ZNF385C: variants seen among roughly 807,000 people sequenced by gnomAD.
ZNF385C encodes the protein CTD-2132N18.2.
ZNF385C carries 28 observed loss-of-function variants against 35.4 expected under a neutral mutation model. That is an observed-to-expected ratio of 0.79 (90% CI 0.59 to 1.08). The LOEUF is 1.08. ZNF385C is among the 50% of genes least tolerant of loss of function. The probability of loss-of-function intolerance (pLI) is 0.00; values close to 1 mark genes in which losing one functional copy is unlikely to be tolerated. For synonymous variants in ZNF385C, 248 were observed against 248.2 expected (o/e 1.00, Z 0.01); for missense variants, 605 against 595.6 (o/e 1.02, Z -0.16).
In ZNF385C at chr17:42,093,874, T is replaced by C. The variant is rs538724187; in HGVS notation, c.-3+4536A>G. Among the ~76,000 whole-genome samples, 522 of 151,316 alleles carry C rather than the reference T, an allele frequency of 3.4e-3. 2 individuals are homozygous for C. Among genetic ancestry groups the C allele is most frequent in the Non-Finnish European group, 5.2e-3 (352 of 67,768 alleles). Reference sequence around the variant, plus strand: ...TGCTGGGATTACAGGTGTGAGCCACTGCACTCGGCCCATCCACTCTCCCTA... The same window carrying C: ...TGCTGGGATTACAGGTGTGAGCCACCGCACTCGGCCCATCCACTCTCCCTA... On this transcript the variant is annotated intron_variant, in intron 1 of 8. Transcript: ENST00000692273.
chr17:42,053,412 C>A (rs10852950), intron 2 of ZNF385C, among the ~76,000 whole-genome samples: 30 of 152,026 alleles, frequency 2.0e-4, no homozygotes, highest in Admixed American at 1.8e-3. Flanking sequence ...TTCTGTCCCC[C>A]TCTGTCTGCT....
At position 42,094,218 on chromosome 17, in the gene ZNF385C, G is replaced by A. The variant is rs542387364; in HGVS notation, c.-3+4192C>T. Among the ~76,000 whole-genome samples the A allele has an allele frequency of 1.1e-4, 17 of 151,942 alleles. No homozygotes were observed. In the South Asian group the frequency reaches 3.1e-3, roughly 28 times the overall value. On this transcript the variant is annotated intron_variant, in intron 1 of 8. Transcript: ENST00000692273. ...GGCTGGTTTCGAACTTCTGACCTCA[G>A]GTGATCCACCCGCCTCAGCCTCCCA...
chr17:42,095,213 T>G lies in ZNF385C; in HGVS notation c.-3+3197A>C, dbSNP rs1413675019. 3.3e-5 allele frequency among the ~76,000 whole-genome samples: 5 copies of G among 152,152 alleles called. No individual in the cohort carries two copies. The highest frequency in any genetic ancestry group is 1.2e-4 in the African/African-American group (5 of 41,430). ...AGCAGAGACAGCCACAATAAAGGTTTCATGCCTCTTCTGAACAGACGGTGT... is the reference window on the plus strand; with the variant it reads ...AGCAGAGACAGCCACAATAAAGGTTGCATGCCTCTTCTGAACAGACGGTGT... On this transcript the variant is annotated intron_variant, in intron 1 of 8. Transcript: ENST00000692273. The surrounding 1 kb of genome is among the most constrained non-coding windows in gnomAD (Gnocchi z 4.4).
At chr17:42,037,378 TACACACACACACACACACACAC>T (rs5820441) in intron 3 of ZNF385C, among the ~76,000 whole-genome samples, 3 of 144,532 alleles carry the variant, frequency 2.1e-5, no homozygotes, top group Admixed American at 1.4e-4. Flanking sequence ...AGGCACAGGT[TACACACACACACACACACACAC>T]ACACACACAC....
intron 2 of ZNF385C, among the ~76,000 whole-genome samples, chr17:42,057,540 G>GTGTGTGTGTGTGT (rs1555657640): frequency 1.3e-5 from 2 of 151,056 alleles, no homozygotes; most frequent in Non-Finnish European, 3.0e-5. Context: ...GTGTGTGTGT[G>GTGTGTGTGTGTGT]ATGGTCCATA....
chr17:42,050,700 G>A lies in ZNF385C; in HGVS notation c.250+12107C>T, dbSNP rs552886212. On this transcript the variant is annotated intron_variant, in intron 2 of 8. Transcript: ENST00000692273. This position sits in a 1 kb window ranked among gnomAD's most constrained non-coding sequence, Gnocchi z 5.6. ...CCGGCCAGGGTCCCGGGCAGGGCGG[G>A]CGGCGCCCCCGGGGCTCACCTGGCC... 1 of 151,010 alleles carries A rather than the reference G, an allele frequency of 6.6e-6. No homozygotes were observed. Among genetic ancestry groups the A allele is most frequent in the East Asian group, 1.9e-4 (1 of 5,142 alleles). The allele number at this position is 151,010 out of a possible 1,614,324, so 9.4% of individuals were successfully genotyped here. A position where few individuals can be genotyped will look rare whatever the true frequency, so the allele number is the denominator to read the frequency against.
chr17:42,028,314 A>T, intron 6 of ZNF385C, 68 bp from the exon 7 acceptor site: 1 of 1,448,114 alleles, frequency 6.9e-7, no homozygotes, highest in Non-Finnish European at 9.2e-7. Context: ...GACCCCCTCC[A>T]CACTCATGCA....
intron 1 of ZNF385C, among the ~76,000 whole-genome samples, chr17:42,070,026 T>C (rs1342650617): frequency 2.2e-5 from 3 of 136,026 alleles, no homozygotes; most frequent in Non-Finnish European, 4.7e-5. Flanking sequence ...CCAGAGACAA[T>C]GAAACTCCGT....
At chr17:42,089,835 T>C (rs1308404266) in intron 1 of ZNF385C, among the ~76,000 whole-genome samples, 2 of 152,164 alleles carry the variant, frequency 1.3e-5, no homozygotes, top group Admixed American at 6.5e-5. Context: ...ATGAAAAACA[T>C]GGACATTTGT....
intron 1 of ZNF385C, among the ~76,000 whole-genome samples, chr17:42,067,959 ATC>A (rs1308823526): frequency 2.0e-5 from 3 of 152,146 alleles, no homozygotes; most frequent in Non-Finnish European, 1.5e-5. Context: ...GAGAGCAAAT[ATC>A]TGCCACACAG....
At chr17:42,049,249 C>T (rs1555656898) in intron 2 of ZNF385C, among the ~76,000 whole-genome samples, 7 of 152,302 alleles carry the variant, frequency 4.6e-5, no homozygotes, top group South Asian at 4.1e-4. Flanking sequence ...ACCATCCATT[C>T]CCAGGAAGTC....
chr17:42,051,363 C>T (rs972487214), intron 2 of ZNF385C, among the ~76,000 whole-genome samples: 15 of 152,070 alleles, frequency 9.9e-5, no homozygotes, highest in Non-Finnish European at 1.6e-4. Context: ...ACCCTCATCC[C>T]GGTCTGCGTT....
At chr17:42,051,463 T>TTA (rs1567989910) in intron 2 of ZNF385C, among the ~76,000 whole-genome samples, 1 of 151,894 alleles carries the variant, frequency 6.6e-6, no homozygotes, top group Non-Finnish European at 1.5e-5. Flanking sequence ...GGAGCTCCAG[T>TTA]TATATTTAAC....
intron 2 of ZNF385C, chr17:42,040,793 C>T: frequency 4.9e-6 from 6 of 1,232,348 alleles, no homozygotes; most frequent in Non-Finnish European, 6.1e-6. Flanking sequence ...AATATGCTCT[C>T]ATATTGACCC....
At chr17:42,087,143 T>C (rs557826898) in intron 1 of ZNF385C, among the ~76,000 whole-genome samples, 1 of 152,332 alleles carries the variant, frequency 6.6e-6, no homozygotes, top group Non-Finnish European at 1.5e-5. Flanking sequence ...ATTAAGCATA[T>C]ACTGCTATGT....
At chr17:42,030,581 G>T (rs1210787180) in intron 5 of ZNF385C, among the ~76,000 whole-genome samples, 1 of 152,166 alleles carries the variant, frequency 6.6e-6, no homozygotes, top group African/African-American at 2.4e-5. Context: ...AATAGGTAAA[G>T]CTGATCTATG....
intron 1 of ZNF385C, among the ~76,000 whole-genome samples, chr17:42,074,415 G>A (rs2053663472): frequency 6.8e-6 from 1 of 147,562 alleles, no homozygotes; most frequent in African/African-American, 2.5e-5. Context: ...TTTTTGAGAC[G>A]GAGTCTCACT....
intron 2 of ZNF385C, among the ~76,000 whole-genome samples, chr17:42,060,664 C>T (rs1381459942): frequency 2.0e-5 from 3 of 152,202 alleles, no homozygotes; most frequent in Non-Finnish European, 4.4e-5. Flanking sequence ...CCAGTATCCA[C>T]GATCAATGTC....
intron 6 of ZNF385C, 197 bp downstream of exon 6, chr17:42,028,586 A>G (rs2052652138): frequency 1.4e-6 from 1 of 710,656 alleles, no homozygotes; most frequent in African/African-American, 1.8e-5. Flanking sequence ...TTGCTGCCTC[A>G]GACTTCTCTT....
Sources: gnomAD v4.1 joint callset for allele counts (sites outside exome capture counted in the v4.1 genomes callset) on GRCh38, gnomAD v4.1.1 for gene constraint, Gnocchi (gnomAD v3.1) non-coding constraint, MANE v1.5 for transcripts, NCBI Gene and HGNC (gene_info 2026-07-23, HGNC 2026-07-21) for gene names.